The following NEDD4 variants were observed in gnomAD, a reference collection of about 807,000 sequenced individuals.
NEDD4 encodes the protein NEDD4 E3 ubiquitin protein ligase, also known as E3 ubiquitin-protein ligase NEDD4.
Under a neutral mutation model 144.9 loss-of-function variants are expected in NEDD4, and 99 were observed. That is an observed-to-expected ratio of 0.68 (90% confidence interval 0.58 to 0.81). NEDD4 has a LOEUF of 0.81. NEDD4 is among the 30% of genes least tolerant of loss of function. The pLI is 0.00. For missense variants in NEDD4, 985 were observed against 1,065.9 expected (o/e 0.92, Z 1.06); for synonymous variants, 318 against 350.6 (o/e 0.91, Z 1.04).
chr15:55,975,189 G>A (rs966710445), intron 1 of NEDD4, among the ~76,000 whole-genome samples: 8 of 151,874 alleles, frequency 5.3e-5, no homozygotes, highest in East Asian at 3.9e-4. Flanking sequence ...CACTGTGCCC[G>A]GCCGCCCACT....
intron 9 of NEDD4, 46 bp downstream of exon 9, chr15:55,862,867 G>A (rs781647345): frequency 5.3e-6 from 8 of 1,510,944 alleles, no homozygotes; most frequent in Non-Finnish European, 7.2e-6. Context: ...AAAATTCGTA[G>A]TTAAAGTGTT....
rs745754852 is a variant in NEDD4, at chr15:55,915,861, T to C, written c.291+8785A>G. ...AATTGTTTTAGATAACCGAAGTCCA[T>C]TGACAGCTGTTGAAAGAAATCCTTT... On this transcript the variant is annotated intron_variant, in intron 5 of 28. Coordinates refer to ENST00000435532, the MANE Select transcript of NEDD4 (RefSeq NM_006154.4). The C allele has an allele frequency of 7.4e-6, 12 of 1,613,816 alleles. No homozygotes were observed. Among genetic ancestry groups the C allele is most frequent in the South Asian group, 6.6e-5 (6 of 91,072 alleles).
intron 1 of NEDD4, among the ~76,000 whole-genome samples, chr15:55,967,537 T>C (rs1187107690): frequency 6.6e-6 from 1 of 151,924 alleles, no homozygotes; most frequent in Non-Finnish European, 1.5e-5. Context: ...GATCTAGTTC[T>C]TGGGTATACA....
chr15:55,951,301 T>C (rs1595870614), intron 4 of NEDD4, 75 bp downstream of exon 4: 1 of 650,008 alleles, frequency 1.5e-6, no homozygotes, highest in South Asian at 2.1e-5. Flanking sequence ...ATATTAAAAA[T>C]GAGAATTTAT....
At chr15:55,966,844 T>C (rs2037521526) in intron 1 of NEDD4, among the ~76,000 whole-genome samples, 1 of 152,196 alleles carries the variant, frequency 6.6e-6, no homozygotes, top group Admixed American at 6.5e-5. Flanking sequence ...GAATTTCCAA[T>C]TATTGCTATA....
rs1436271383 is a variant in NEDD4 at position 55,907,553 on chromosome 15, T to A, written c.291+17093A>T. Among the ~76,000 whole-genome samples the A allele has an allele frequency of 3.3e-5, 5 of 152,224 alleles. No individual in the cohort carries two copies. The South Asian group carries it at 1.0e-3, about 32-fold the overall frequency. On this transcript the variant is annotated intron_variant, in intron 5 of 28. Coordinates refer to ENST00000435532, the MANE Select transcript of NEDD4 (RefSeq NM_006154.4). Reference sequence around the variant, plus strand: ...ATTTGCCACTTATGGCAGGCACATATTCTATTTCTGATAAATACTTGTTAA... The same window carrying A: ...ATTTGCCACTTATGGCAGGCACATAATCTATTTCTGATAAATACTTGTTAA...
intron 19 of NEDD4, 75 bp downstream of exon 19, chr15:55,841,859 C>T (rs757281341): frequency 2.6e-5 from 34 of 1,293,332 alleles, no homozygotes; most frequent in Middle Eastern, 1.9e-4. Context: ...GCATGAGCCA[C>T]TGCACCCGGC....
At chr15:55,920,269 C>A (rs1357614243) in intron 5 of NEDD4, among the ~76,000 whole-genome samples, 1 of 151,824 alleles carries the variant, frequency 6.6e-6, no homozygotes, top group Non-Finnish European at 1.5e-5. Context: ...TATACACAAT[C>A]TATTGTTTCT....
intron 22 of NEDD4, 96 bp downstream of exon 22, chr15:55,838,413 A>T: frequency 1.1e-6 from 1 of 888,586 alleles, no homozygotes; most frequent in African/African-American, 1.7e-5. Flanking sequence ...AATGAATGTA[A>T]AAACAGAGCC....
chr15:55,967,304 TATG>T (rs2037530299), intron 1 of NEDD4, among the ~76,000 whole-genome samples: 1 of 152,210 alleles, frequency 6.6e-6, no homozygotes, highest in Non-Finnish European at 1.5e-5. Context: ...ATATCTTTGA[TATG>T]ATGGCATAGA....
At chr15:55,907,087 T>C (rs2036126326) in intron 5 of NEDD4, among the ~76,000 whole-genome samples, 3 of 151,496 alleles carry the variant, frequency 2.0e-5, no homozygotes, top group Admixed American at 2.0e-4. Context: ...AGAGCCAGAC[T>C]GTCTCAAAAA....
intron 4 of NEDD4, among the ~76,000 whole-genome samples, chr15:55,937,984 G>C (rs2036925013): frequency 6.6e-6 from 1 of 152,120 alleles, no homozygotes; most frequent in Non-Finnish European, 1.5e-5. Flanking sequence ...GAAATAGATA[G>C]CTCAAAAATA....
At chr15:55,930,858 G>C (rs1205285228) in intron 4 of NEDD4, among the ~76,000 whole-genome samples, 1 of 152,122 alleles carries the variant, frequency 6.6e-6, no homozygotes, top group African/African-American at 2.4e-5. Flanking sequence ...ATGATTGTGA[G>C]GCCTCCCCAG....
chr15:55,916,782 T>A, intron 5 of NEDD4: 1 of 1,612,888 alleles, frequency 6.2e-7, no homozygotes, highest in Non-Finnish European at 8.5e-7. Flanking sequence ...TGACAAAGGG[T>A]AAGTATTGCT....
At chr15:55,887,163 ATGAAAT>A (rs1360452962) in intron 5 of NEDD4, among the ~76,000 whole-genome samples, 2 of 152,116 alleles carry the variant, frequency 1.3e-5, no homozygotes, top group Non-Finnish European at 2.9e-5. Context: ...GCAAAAATAA[ATGAAAT>A]TGAAATGAAG....
At position 55,983,332 on chromosome 15, in the gene NEDD4, T is replaced by C. The variant is rs1045589632; in HGVS notation, c.45+10179A>G. Among the ~76,000 whole-genome samples, 4 of 152,352 alleles carry C rather than the reference T, an allele frequency of 2.6e-5. No homozygotes were observed. In the East Asian group the frequency reaches 7.7e-4, roughly 29 times the overall value. On this transcript the variant is annotated intron_variant, in intron 1 of 28. Transcript: ENST00000435532. ...CGCGCGTGCGTGCATTTGATTTCCA[T>C]GCTACTTGGTATACAATTCCAAATC...
intron 5 of NEDD4, among the ~76,000 whole-genome samples, chr15:55,909,798 C>A (rs950923286): frequency 3.3e-5 from 5 of 152,174 alleles, no homozygotes; most frequent in African/African-American, 9.7e-5. Flanking sequence ...ACAGAATTGC[C>A]TATTATCCAA....
chr15:55,878,753 C>T (rs929131891), intron 5 of NEDD4, among the ~76,000 whole-genome samples: 5 of 152,188 alleles, frequency 3.3e-5, no homozygotes, highest in African/African-American at 9.7e-5. Flanking sequence ...AATTACTCAG[C>T]GATGAAATGA....
chr15:55,840,526 A>C lies in NEDD4; in HGVS notation c.1961-9T>G. The C allele has an allele frequency of 6.2e-7, 1 of 1,614,006 alleles. No homozygotes were observed. Among genetic ancestry groups the C allele is most frequent in the South Asian group, 1.1e-5 (1 of 91,042 alleles). On this transcript the variant is annotated splice_polypyrimidine_tract_variant and intron_variant, in intron 20 of 28. Coordinates refer to ENST00000435532, the MANE Select transcript of NEDD4 (RefSeq NM_006154.4). ...TGGGCGGATGAAAAAACCTTGCAAA[A>C]AACCAAATACATTTAGGATGATTAC...
Sources: allele counts gnomAD v4.1 joint callset (sites outside exome capture counted in the v4.1 genomes callset), GRCh38; gene constraint gnomAD v4.1.1; transcripts MANE v1.5; gene names NCBI Gene and HGNC (gene_info 2026-07-23, HGNC 2026-07-21).